EIPR1: variants seen among roughly 807,000 people sequenced by gnomAD.
EIPR1 encodes EARP complex and GARP complex interacting protein 1.
Under a neutral mutation model 48.1 loss-of-function variants are expected in EIPR1, and 25 were observed. The observed-to-expected ratio is 0.52, with a 90% CI of 0.38 to 0.73. The LOEUF (loss-of-function observed/expected upper bound fraction) is 0.73. Among genes scored for constraint, EIPR1 ranks in the 30% least tolerant of loss-of-function variants. The probability of loss-of-function intolerance (pLI) is 0.00; values close to 1 mark genes in which losing one functional copy is unlikely to be tolerated. For synonymous variants in EIPR1, 204 were observed against 201.9 expected (o/e 1.01, Z -0.09); for missense variants, 415 against 506.2 (o/e 0.82, Z 1.73).
intron 5 of EIPR1, among the ~76,000 whole-genome samples, chr2:3,212,638 C>T (rs1208714344): frequency 1.3e-5 from 2 of 152,182 alleles, no homozygotes; most frequent in Non-Finnish European, 2.9e-5. Context: ...TCGCCTTCCA[C>T]CATGACCAGG....
At chr2:3,308,341 A>C (rs1157022446) in intron 3 of EIPR1, among the ~76,000 whole-genome samples, 3 of 152,134 alleles carry the variant, frequency 2.0e-5, no homozygotes, top group African/African-American at 7.2e-5. Flanking sequence ...CTCTTGAAAC[A>C]AATAAAGGGA....
intron 3 of EIPR1, among the ~76,000 whole-genome samples, chr2:3,283,956 A>AG (rs1668095147): frequency 6.6e-6 from 1 of 150,960 alleles, no homozygotes; most frequent in East Asian, 1.9e-4. Context: ...AAAAAAAAAA[A>AG]AAAAAAAAAG....
intron 5 of EIPR1, 141 bp downstream of exon 5, chr2:3,214,007 AC>A: frequency 1.7e-6 from 1 of 576,564 alleles, no homozygotes; most frequent in Admixed American, 3.0e-5. Context: ...CGCTCCCCCA[AC>A]CCCACGACAG....
intron 3 of EIPR1, among the ~76,000 whole-genome samples, chr2:3,260,006 T>C (rs11691087): frequency 0.27 from 41,378 of 152,136 alleles, 6,765 homozygotes; most frequent in Non-Finnish European, 0.38. Context: ...CTTCTCAGCC[T>C]TGGGACAAGC....
intron 3 of EIPR1, among the ~76,000 whole-genome samples, chr2:3,318,173 G>A (rs904188404): frequency 5.3e-5 from 8 of 152,246 alleles, no homozygotes; most frequent in Non-Finnish European, 1.2e-4. Flanking sequence ...AGACCAGCAG[G>A]CCGCAGAAGA....
At chr2:3,357,821 G>A (rs554587268) in intron 1 of EIPR1, among the ~76,000 whole-genome samples, 11 of 152,204 alleles carry the variant, frequency 7.2e-5, no homozygotes, top group East Asian at 5.8e-4. Flanking sequence ...AACAGAGTCC[G>A]TGAGCCAAGG....
chr2:3,198,106 C>T (rs183026291), intron 5 of EIPR1, among the ~76,000 whole-genome samples: 1 of 152,344 alleles, frequency 6.6e-6, no homozygotes, highest in Admixed American at 6.5e-5. Flanking sequence ...CAGGCAGGGG[C>T]TCTGCCTGGA....
intron 3 of EIPR1, among the ~76,000 whole-genome samples, chr2:3,296,105 T>TCTGC (rs1558280974): frequency 1.6e-4 from 15 of 91,926 alleles, no homozygotes; most frequent in Admixed American, 3.5e-4. Context: ...CCATCCTCTC[T>TCTGC]ACACACACAC....
At chr2:3,248,461 G>A (rs1363609282) in intron 4 of EIPR1, among the ~76,000 whole-genome samples, 2 of 152,220 alleles carry the variant, frequency 1.3e-5, no homozygotes, top group Non-Finnish European at 2.9e-5. Flanking sequence ...AGGCGTGGTG[G>A]TGGGCGCCTG....
At chr2:3,196,655 A>G (rs1257453154) in intron 6 of EIPR1, among the ~76,000 whole-genome samples, 3 of 149,256 alleles carry the variant, frequency 2.0e-5, no homozygotes, top group African/African-American at 7.8e-5. Flanking sequence ...ATCAATATGG[A>G]ACATTAAACA....
chr2:3,208,722 CG>C, intron 5 of EIPR1: 1 of 1,549,148 alleles, frequency 6.5e-7, no homozygotes, highest in Non-Finnish European at 8.7e-7. Context: ...TTCTTCCATG[CG>C]TGAGGCTCGT....
intron 3 of EIPR1, among the ~76,000 whole-genome samples, chr2:3,264,414 G>A (rs560252766): frequency 1.4e-4 from 22 of 152,284 alleles, no homozygotes; most frequent in African/African-American, 5.3e-4. Context: ...CTTCCTTATT[G>A]TAATGAATGT....
intron 3 of EIPR1, among the ~76,000 whole-genome samples, chr2:3,314,154 C>A (rs1319424651): frequency 1.3e-5 from 2 of 152,224 alleles, no homozygotes; most frequent in Non-Finnish European, 2.9e-5. Context: ...CCCGAGGACT[C>A]TGCGCCAGCG....
chr2:3,193,536 A>G (rs897270634), intron 7 of EIPR1, among the ~76,000 whole-genome samples: 9 of 152,234 alleles, frequency 5.9e-5, no homozygotes, highest in African/African-American at 2.2e-4. Context: ...GCACATGAAA[A>G]ACATTCAAAT....
chr2:3,270,227 C>A (rs1238418099), intron 3 of EIPR1, among the ~76,000 whole-genome samples: 1 of 152,220 alleles, frequency 6.6e-6, no homozygotes. Context: ...AGTGCAAGCC[C>A]ATCTGTGCCC....
At chr2:3,349,078 G>C (rs1447113895) in intron 2 of EIPR1, among the ~76,000 whole-genome samples, 1 of 152,236 alleles carries the variant, frequency 6.6e-6, no homozygotes, top group African/African-American at 2.4e-5. Flanking sequence ...CTTTCCACGT[G>C]TGTCTGTACA....
intron 3 of EIPR1, among the ~76,000 whole-genome samples, chr2:3,320,820 C>T (rs1572439893): frequency 1.3e-5 from 2 of 152,312 alleles, no homozygotes; most frequent in East Asian, 1.9e-4. Context: ...CCTGTCTGGG[C>T]TTATGCCTCC....
At chr2:3,242,431 G>A (rs1054040761) in intron 4 of EIPR1, among the ~76,000 whole-genome samples, 18 of 149,846 alleles carry the variant, frequency 1.2e-4, no homozygotes, top group African/African-American at 3.5e-4. Context: ...AGCAGCCATC[G>A]ATGGCTGGAA....
At chr2:3,337,423 A>G (rs1670100305) in intron 3 of EIPR1, among the ~76,000 whole-genome samples, 2 of 152,308 alleles carry the variant, frequency 1.3e-5, no homozygotes, top group South Asian at 4.1e-4. Flanking sequence ...ATCCTAGGAG[A>G]TATTTCTCCA....
Sources: gnomAD v4.1 joint callset for allele counts (sites outside exome capture counted in the v4.1 genomes callset) on GRCh38, gnomAD v4.1.1 for gene constraint, MANE v1.5 for transcripts, NCBI Gene and HGNC (gene_info 2026-07-23, HGNC 2026-07-21) for gene names.